FARS2: variants seen among roughly 807,000 people sequenced by gnomAD.
FARS2 encodes the protein phenylalanyl-tRNA synthetase 2, mitochondrial, also known as phenylalanine--tRNA ligase, mitochondrial.
In FARS2, 40 loss-of-function variants were observed where a neutral mutation model predicts 46.4. The ratio of observed to expected loss-of-function variants is 0.86; its 90% CI spans 0.67 to 1.12. The LOEUF (loss-of-function observed/expected upper bound fraction) is 1.12. FARS2 is among the 50% of genes most tolerant of loss of function. FARS2 has a pLI of 0.00. For missense variants in FARS2, 513 were observed against 567.9 expected (o/e 0.90, Z 0.98); for synonymous variants, 234 against 214.9 (o/e 1.09, Z -0.78).
At chr6:5,642,432 C>T (rs541639466) in intron 6 of FARS2, among the ~76,000 whole-genome samples, 2 of 152,178 alleles carry the variant, frequency 1.3e-5, no homozygotes, top group South Asian at 2.1e-4. Context: ...CTAATGATAC[C>T]TTATGCCAAG....
chr6:5,435,121 C>G (rs951132671), intron 4 of FARS2, among the ~76,000 whole-genome samples: 1 of 152,186 alleles, frequency 6.6e-6, no homozygotes, highest in Non-Finnish European at 1.5e-5. Flanking sequence ...CTTGCCAAGT[C>G]TTTCTGACAA....
intron 6 of FARS2, among the ~76,000 whole-genome samples, chr6:5,720,164 A>T (rs1759796729): frequency 6.6e-6 from 1 of 152,202 alleles, no homozygotes. Flanking sequence ...CATTAAATAC[A>T]TTGCGAACTA....
intron 2 of FARS2, among the ~76,000 whole-genome samples, chr6:5,403,035 C>CACAA (rs1196671599): frequency 6.6e-6 from 1 of 152,166 alleles, no homozygotes; most frequent in Non-Finnish European, 1.5e-5. Flanking sequence ...GCCTGCCTGC[C>CACAA]TGCCTGCCAA....
intron 1 of FARS2, among the ~76,000 whole-genome samples, chr6:5,338,676 C>T (rs190414599): frequency 1.3e-5 from 2 of 148,460 alleles, no homozygotes; most frequent in Non-Finnish European, 3.0e-5. Context: ...ATGGCATTCT[C>T]TATGGCATTT....
chr6:5,256,158 G>A (rs181061527), upstream of FARS2, among the ~76,000 whole-genome samples: 1 of 152,090 alleles, frequency 6.6e-6, no homozygotes, highest in Non-Finnish European at 1.5e-5. Flanking sequence ...AGAATTGAAG[G>A]AGTTGGCTGA....
chr6:5,380,492 C>T (rs1188874713), intron 2 of FARS2, among the ~76,000 whole-genome samples: 1 of 152,148 alleles, frequency 6.6e-6, no homozygotes, highest in Non-Finnish European at 1.5e-5. Flanking sequence ...TGGTGTGTAT[C>T]ATCGAATGCT....
chr6:5,427,653 G>C (rs1042578973), intron 3 of FARS2, among the ~76,000 whole-genome samples: 1 of 152,120 alleles, frequency 6.6e-6, no homozygotes, highest in Admixed American at 6.6e-5. Context: ...AATCGTTCGT[G>C]TTTATCATCT....
Position 5,384,567 on chromosome 6 carries a change from C to T in FARS2, c.612+15385C>T, listed in dbSNP as rs143843435. ...GTCACTAAGCAAGGAACTGAGTAGCCTCTGTGATGTGTTCAACTTGAGTTT... is the reference window on the plus strand; with the variant it reads ...GTCACTAAGCAAGGAACTGAGTAGCTTCTGTGATGTGTTCAACTTGAGTTT... On this transcript the variant is annotated intron_variant, in intron 2 of 6. Coordinates refer to ENST00000274680, the MANE Select transcript of FARS2 (RefSeq NM_006567.5). Among the ~76,000 whole-genome samples the T allele has an allele frequency of 6.2e-3, 940 of 152,240 alleles. 11 individuals carry two copies. Among genetic ancestry groups the T allele is most frequent in the African/African-American group, 0.021 (888 of 41,522 alleles).
intron 6 of FARS2, among the ~76,000 whole-genome samples, chr6:5,658,318 A>G (rs1252375118): frequency 1.3e-5 from 2 of 152,076 alleles, no homozygotes; most frequent in Non-Finnish European, 2.9e-5. Flanking sequence ...CTCAATATAC[A>G]TTGGTGGTTG....
Position 5,292,104 on chromosome 6 carries a change from A to G in FARS2, c.-22+30444A>G, listed in dbSNP as rs987976686. Among the ~76,000 whole-genome samples, 33 of 152,144 alleles carry G rather than the reference A, an allele frequency of 2.2e-4. 1 individual carries two copies. The highest frequency in any genetic ancestry group is 9.7e-5 in the African/African-American group (4 of 41,426). On this transcript the variant is annotated intron_variant, in intron 1 of 6. Transcript: ENST00000274680. Reference sequence around the variant, plus strand: ...AGAATGAACAGGAGGTAAGCAGGTGAAGGGGCTGGGAGACCTTTCCTTGGC... The same window carrying G: ...AGAATGAACAGGAGGTAAGCAGGTGGAGGGGCTGGGAGACCTTTCCTTGGC...
At chr6:5,287,831 G>T (rs907018157) in intron 1 of FARS2, among the ~76,000 whole-genome samples, 1 of 152,020 alleles carries the variant, frequency 6.6e-6, no homozygotes, top group Non-Finnish European at 1.5e-5. Context: ...GGCTCCAGTT[G>T]TTTTTTTCAA....
At chr6:5,559,172 G>A (rs1039870631) in intron 5 of FARS2, among the ~76,000 whole-genome samples, 1 of 151,524 alleles carries the variant, frequency 6.6e-6, no homozygotes, top group Non-Finnish European at 1.5e-5. Flanking sequence ...GGAGGCTGAA[G>A]CGGGAAGATC....
intron 4 of FARS2, among the ~76,000 whole-genome samples, chr6:5,538,924 A>G (rs1346275325): frequency 6.6e-6 from 1 of 152,162 alleles, no homozygotes; most frequent in Non-Finnish European, 1.5e-5. Context: ...TAGGCAGCTG[A>G]AGTCCAGTTG....
intron 6 of FARS2, among the ~76,000 whole-genome samples, chr6:5,661,037 C>A (rs1777830626): frequency 6.6e-6 from 1 of 152,056 alleles, no homozygotes; most frequent in African/African-American, 2.4e-5. Context: ...GCAGAACCAG[C>A]GGGAGGCTAC....
chr6:5,559,873 A>G (rs532007925), intron 5 of FARS2, among the ~76,000 whole-genome samples: 4 of 152,290 alleles, frequency 2.6e-5, no homozygotes, highest in South Asian at 2.1e-4. Context: ...CACTAGCACT[A>G]TGGAACAGAG....
Position 5,645,974 on chromosome 6 carries a change from G to A in FARS2, c.1217+32654G>A, listed in dbSNP as rs76198098. ...TTTTTTACTTAGTTTAACGGAGGTA[G>A]GGACTAGAATGATGCCAGGAAGCCA... On this transcript the variant is annotated intron_variant, in intron 6 of 6. Coordinates refer to ENST00000274680, the MANE Select transcript of FARS2 (RefSeq NM_006567.5). Among the ~76,000 whole-genome samples, 759 of 152,318 alleles carry A rather than the reference G, an allele frequency of 5.0e-3. 11 individuals carry two copies. Among genetic ancestry groups the A allele is most frequent in the African/African-American group, 0.017 (698 of 41,550 alleles).
chr6:5,272,050 A>C (rs1283555388), intron 1 of FARS2, among the ~76,000 whole-genome samples: 1 of 152,184 alleles, frequency 6.6e-6, no homozygotes, highest in African/African-American at 2.4e-5. Context: ...TGCATGTTTT[A>C]AATGGGTGTG....
chr6:5,478,746 G>A (rs539017280), intron 4 of FARS2, among the ~76,000 whole-genome samples: 4 of 152,164 alleles, frequency 2.6e-5, no homozygotes, highest in Non-Finnish European at 2.9e-5. Flanking sequence ...AGTGCTCTTC[G>A]GGCTGTGTAT....
intron 5 of FARS2, chr6:5,609,207 G>A (rs9392701): frequency 2.3e-5 from 27 of 1,180,066 alleles, no homozygotes; most frequent in Middle Eastern, 2.7e-4. Flanking sequence ...TCTCCTCTCC[G>A]GCTAAGCTTT....
Sources: gnomAD v4.1 joint callset for allele counts (sites outside exome capture counted in the v4.1 genomes callset) on GRCh38, gnomAD v4.1.1 for gene constraint, MANE v1.5 for transcripts, NCBI Gene and HGNC (gene_info 2026-07-23, HGNC 2026-07-21) for gene names.